The following ALDH5A1 variants were observed in gnomAD, a reference collection of about 807,000 sequenced individuals.
ALDH5A1 encodes the protein aldehyde dehydrogenase 5 family member A1.
Under a neutral mutation model 54.7 loss-of-function variants are expected in ALDH5A1, and 33 were observed. The ratio of observed to expected loss-of-function variants is 0.60; its 90% CI spans 0.46 to 0.81. ALDH5A1 has a LOEUF of 0.81. ALDH5A1 is among the 30% of genes least tolerant of loss of function. The pLI is 0.00. For missense variants in ALDH5A1, 657 were observed against 711.0 expected, an observed-to-expected ratio of 0.92 and a Z score of 0.86; for synonymous variants, 294 against 292.7, an observed-to-expected ratio of 1.00 and a Z score of -0.05.
At position 24,537,104 on chromosome 6, in the gene ALDH5A1, T is replaced by A. The variant is rs1760066313; in HGVS notation, c.*3392T>A. ...AAGTTTTGCTTTTAAAACGTGGACA[T>A]AACTCATTTTTCTAGTTTTTGACAA... is the stretch of plus-strand genomic sequence containing the variant. On this transcript the variant is annotated 3_prime_UTR_variant, in exon 10 of 10. Coordinates refer to ENST00000357578, the MANE Select transcript of ALDH5A1 (RefSeq NM_001080.3). The A allele has an allele frequency of 6.6e-6, 1 of 152,650 alleles. No homozygotes were observed. The highest frequency in any genetic ancestry group is 6.5e-5 in the Admixed American group (1 of 15,288). 9.5% of individuals were successfully genotyped at this position (152,650 alleles called of 1,614,324 possible). A position where few individuals can be genotyped will look rare whatever the true frequency, so the allele number is the denominator to read the frequency against.
chr6:24,520,649 C>CGT lies in ALDH5A1; in HGVS notation c.1014+116_1014+117dup, dbSNP rs1044029896. On this transcript the variant is annotated intron_variant, in intron 6 of 9. Coordinates refer to ENST00000357578, the MANE Select transcript of ALDH5A1 (RefSeq NM_001080.3). ...GTGCATGTGAGTGTGTGTGTGTGTGCGTGTGTGTGTGTTACAAAGATCCCA... is the reference window on the plus strand; with the variant it reads ...GTGCATGTGAGTGTGTGTGTGTGTGCGTGTGTGTGTGTGTTACAAAGATCCCA... 79 of 1,276,776 alleles carry CGT rather than the reference C, an allele frequency of 6.2e-5. 1 individual carries two copies. Among genetic ancestry groups the CGT allele is most frequent in the African/African-American group, 1.8e-4 (12 of 66,724 alleles). The allele number at this position is 1,276,776 out of a possible 1,614,324, so 79.1% of individuals were successfully genotyped here.
chr6:24,496,748 A>G (rs1460440580), intron 1 of ALDH5A1, among the ~76,000 whole-genome samples: 1 of 152,132 alleles, frequency 6.6e-6, no homozygotes, highest in Non-Finnish European at 1.5e-5. Flanking sequence ...CTCTGTGTGT[A>G]TATGTGTCCT....
intron 1 of ALDH5A1, among the ~76,000 whole-genome samples, chr6:24,495,783 C>G (rs575536520): frequency 6.6e-6 from 1 of 152,224 alleles, no homozygotes; most frequent in Admixed American, 6.5e-5. Context: ...CTTCAGCGGC[C>G]CTTGAGAAGG....
chr6:24,531,222 T>G (rs12199955), intron 8 of ALDH5A1, among the ~76,000 whole-genome samples: 60,838 of 152,128 alleles, frequency 0.4, 14,951 homozygotes, highest in Non-Finnish European at 0.56. Context: ...ATGAAGTTTA[T>G]TTTTATTCCA....
Position 24,533,770 on chromosome 6 carries a change from T to C in ALDH5A1, c.*58T>C. On this transcript the variant is annotated 3_prime_UTR_variant, in exon 10 of 10. Coordinates refer to ENST00000357578, the MANE Select transcript of ALDH5A1 (RefSeq NM_001080.3). Reference sequence around the variant, plus strand: ...AGACTTATCTACATATATAGGTACATGCCATCCATTATTTTAAATAAACTA... The same window carrying C: ...AGACTTATCTACATATATAGGTACACGCCATCCATTATTTTAAATAAACTA... 6.8e-7 allele frequency: 1 copy of C among 1,460,660 alleles called. No individual in the cohort carries two copies. Among genetic ancestry groups the C allele is most frequent in the Non-Finnish European group, 9.5e-7 (1 of 1,052,110 alleles). The allele number at this position is 1,460,660 out of a possible 1,614,324, so 90.5% of individuals were successfully genotyped here.
chr6:24,532,251 C>T, intron 9 of ALDH5A1, 74 bp downstream of exon 9: 1 of 1,476,960 alleles, frequency 6.8e-7, no homozygotes, highest in African/African-American at 1.4e-5. Flanking sequence ...CCCTTTTAAA[C>T]ATCACCCTGG....
intron 8 of ALDH5A1, among the ~76,000 whole-genome samples, chr6:24,528,752 A>G (rs1759870311): frequency 6.7e-6 from 1 of 148,692 alleles, no homozygotes. Context: ...TCTGTCACCC[A>G]GGCTGGAGTG....
chr6:24,507,003 C>G (rs1759371704), intron 4 of ALDH5A1, among the ~76,000 whole-genome samples: 1 of 152,224 alleles, frequency 6.6e-6, no homozygotes, highest in South Asian at 2.1e-4. Context: ...GTTGCCTTGT[C>G]TCCTTAATCC....
intron 4 of ALDH5A1, chr6:24,511,915 C>A: frequency 1.7e-6 from 1 of 578,632 alleles, no homozygotes; most frequent in Middle Eastern, 2.6e-4. Flanking sequence ...CTTGTTTTTT[C>A]ATATTATCAG....
At chr6:24,495,371 G>C in intron 1 of ALDH5A1, 21 bp downstream of exon 1, 1 of 1,531,334 alleles carries the variant, frequency 6.5e-7, no homozygotes, top group Non-Finnish European at 8.7e-7. Flanking sequence ...CCGGATGCAG[G>C]GGGCCAGAGC....
chr6:24,495,825 G>A (rs1441481936), intron 1 of ALDH5A1, among the ~76,000 whole-genome samples: 2 of 152,192 alleles, frequency 1.3e-5, no homozygotes, highest in Admixed American at 6.5e-5. Flanking sequence ...CAGAATCATG[G>A]GATCGGAAAC....
At position 24,534,015 on chromosome 6, in the gene ALDH5A1, C is replaced by G; in HGVS notation, c.*303C>G. 3 of 367,724 alleles carry G rather than the reference C, an allele frequency of 8.2e-6. No individual in the cohort carries two copies. The highest frequency in any genetic ancestry group is 7.4e-5 in the South Asian group (3 of 40,774). 22.8% of individuals were successfully genotyped at this position (367,724 alleles called of 1,614,324 possible). A position where few individuals can be genotyped will look rare whatever the true frequency, so the allele number is the denominator to read the frequency against. On this transcript the variant is annotated 3_prime_UTR_variant, in exon 10 of 10. Transcript: ENST00000357578. Reference sequence around the variant, plus strand: ...CAGAGCAGGCACAGCACAAGGCAGGCCCAGCCCCATGGGCCGTCACAAAGG... The same window carrying G: ...CAGAGCAGGCACAGCACAAGGCAGGGCCAGCCCCATGGGCCGTCACAAAGG...
chr6:24,501,961 G>A (rs1360205970), intron 1 of ALDH5A1, among the ~76,000 whole-genome samples: 2 of 151,296 alleles, frequency 1.3e-5, no homozygotes, highest in Non-Finnish European at 2.9e-5. Flanking sequence ...GTGTATGTGT[G>A]TATATATATA....
chr6:24,522,170 C>T (rs1219003574), intron 6 of ALDH5A1, among the ~76,000 whole-genome samples: 1 of 152,074 alleles, frequency 6.6e-6, no homozygotes, highest in Non-Finnish European at 1.5e-5. Context: ...ATTAGCTGGG[C>T]ATGGTGGCAA....
intron 1 of ALDH5A1, among the ~76,000 whole-genome samples, chr6:24,497,962 C>G (rs1764746119): frequency 6.6e-6 from 1 of 152,084 alleles, no homozygotes; most frequent in Non-Finnish European, 1.5e-5. Context: ...GGTGGGAGGC[C>G]ACGGTGGCTT....
At chr6:24,505,967 CA>C (rs1042683664) in intron 4 of ALDH5A1, among the ~76,000 whole-genome samples, 25 of 146,214 alleles carry the variant, frequency 1.7e-4, no homozygotes, top group Middle Eastern at 3.5e-3. Context: ...GACTCAGTCT[CA>C]AAAAAAAAAA....
At chr6:24,524,065 A>T (rs1341943058) in intron 7 of ALDH5A1, among the ~76,000 whole-genome samples, 1 of 149,028 alleles carries the variant, frequency 6.7e-6, no homozygotes, top group African/African-American at 2.5e-5. Flanking sequence ...ACTCACTGCA[A>T]CCTCCGCCCC....
At position 24,503,418 on chromosome 6, in the gene ALDH5A1, T is replaced by TGCA. The variant is rs1759250573; in HGVS notation, c.596_598dup (p.Ala199dup). On this transcript the variant is annotated inframe_insertion, in exon 3 of 10. Coordinates refer to ENST00000357578, the MANE Select transcript of ALDH5A1 (RefSeq NM_001080.3). ...TCCTCAAGCAGCCCATAGGCGTGGCTGCAGTCATCACCCCGGTAGGTGACA... is the reference window on the plus strand; with the variant it reads ...TCCTCAAGCAGCCCATAGGCGTGGCTGCAGCAGTCATCACCCCGGTAGGTGACA... The TGCA allele has an allele frequency of 6.2e-7, 1 of 1,612,922 alleles. No individual in the cohort carries two copies. Among genetic ancestry groups the TGCA allele is most frequent in the Non-Finnish European group, 8.5e-7 (1 of 1,179,944 alleles).
At chr6:24,525,863 A>G (rs1319248011) in intron 7 of ALDH5A1, among the ~76,000 whole-genome samples, 1 of 151,978 alleles carries the variant, frequency 6.6e-6, no homozygotes, top group Non-Finnish European at 1.5e-5. Flanking sequence ...CTTCTGCACA[A>G]TTTTCTGGGT....
Sources: allele counts gnomAD v4.1 joint callset (sites outside exome capture counted in the v4.1 genomes callset), GRCh38; gene constraint gnomAD v4.1.1; transcripts MANE v1.5; gene names NCBI Gene and HGNC (gene_info 2026-07-23, HGNC 2026-07-21).